ATMIN: variants seen among roughly 807,000 people sequenced by gnomAD.
ATMIN encodes ATM interactor.
Under a neutral mutation model 49.2 loss-of-function variants are expected in ATMIN, and 24 were observed. That is an observed-to-expected ratio of 0.49 (90% CI 0.35 to 0.69). The LOEUF is 0.69. ATMIN is among the 30% of genes least tolerant of loss of function. The probability of loss-of-function intolerance (pLI) is 0.00; values close to 1 mark genes in which losing one functional copy is unlikely to be tolerated. For missense variants in ATMIN, 1,037 were observed against 1,005.5 expected, an observed-to-expected ratio of 1.03 and a Z score of -0.42; for synonymous variants, 450 against 392.5, an observed-to-expected ratio of 1.15 and a Z score of -1.73.
chr16:81,037,356 G>A, intron 1 of ATMIN: 1 of 985,454 alleles, frequency 1.0e-6, no homozygotes, highest in Non-Finnish European at 1.2e-6. Context: ...TGAGGTTGTA[G>A]TCTCTAGTAG....
At chr16:81,038,415 GC>G (rs1970983132) in intron 1 of ATMIN, among the ~76,000 whole-genome samples, 1 of 152,160 alleles carries the variant, frequency 6.6e-6, no homozygotes, top group South Asian at 2.1e-4. Context: ...ACAGGTGTGA[GC>G]CACTGTGCCC....
intron 1 of ATMIN, chr16:81,037,643 T>G (rs937217294): frequency 4.0e-6 from 2 of 497,296 alleles, no homozygotes; most frequent in Non-Finnish European, 5.2e-6. Context: ...TGTGTTTTTT[T>G]GTTTGTTTTT....
At position 81,041,435 on chromosome 16, in the gene ATMIN, C is replaced by T. The variant is rs777691216; in HGVS notation, c.416C>T (p.Pro139Leu). The T allele has an allele frequency of 8.1e-6, 13 of 1,613,580 alleles. No individual in the cohort carries two copies. The highest frequency in any genetic ancestry group is 3.4e-6 in the Non-Finnish European group (4 of 1,179,922). ...KFYCCPIEGC[P>L]RGPERPFSQF... ...TACTGCTGTCCAATTGAAGGCTGCC[C>T]CAGAGGCCCTGAGAGACCGTTTTCT... Residue 139 changes from proline (P) to leucine (L), a missense_variant, in exon 2 of 4, where the codon CCC (proline) becomes CTC (leucine). Coordinates refer to ENST00000299575, the MANE Select transcript of ATMIN (RefSeq NM_015251.3).
At chr16:81,043,018 C>A in intron 3 of ATMIN, 143 bp from the exon 4 acceptor site, 1 of 1,022,416 alleles carries the variant, frequency 9.8e-7, no homozygotes, top group Non-Finnish European at 1.4e-6. Flanking sequence ...CCCAGAGTTG[C>A]GAAAGAATGG....
At position 81,043,949 on chromosome 16, in the gene ATMIN, T is replaced by C. The variant is rs758023970; in HGVS notation, c.1451T>C (p.Phe484Ser). The change falls in exon 4 of 4, where the codon TTC becomes TCC. Residue 484 changes from phenylalanine to serine, a missense_variant. Physicochemically the swap from Phe to Ser is radical, Grantham distance 155 (BLOSUM62 -2). Coordinates refer to ENST00000299575, the MANE Select transcript of ATMIN (RefSeq NM_015251.3). ...AQTDAFMDTC[F>S]QSGGVSRETQ... The stretch of plus-strand genomic sequence containing the variant: ...ACTGATGCATTTATGGACACCTGTT[T>C]CCAGTCAGGTGGGGTCTCCAGAGAA... 1.2e-6 allele frequency: 2 copies of C among 1,614,234 alleles called. No individual in the cohort carries two copies. The highest frequency in any genetic ancestry group is 1.3e-5 in the African/African-American group (1 of 75,062).
At position 81,035,852 on chromosome 16, in the gene ATMIN, G is replaced by GGGCGGCCGTGCGGGAGCCAT; in HGVS notation, c.-11_9dup. ...GGGGGCGGGGCCTACGAACTGGGCC[G>GGGCGGCCGTGCGGGAGCCAT]GGCGGCCGTGCGGGAGCCATGGCGG... On this transcript the variant is annotated 5_prime_UTR_variant, in exon 1 of 4. In the 5' UTR this introduces an upstream ATG that the reference lacks. Coordinates refer to ENST00000299575, the MANE Select transcript of ATMIN (RefSeq NM_015251.3). 1 of 800,962 alleles carries GGGCGGCCGTGCGGGAGCCAT rather than the reference G, an allele frequency of 1.2e-6. No individual in the cohort carries two copies. The highest frequency in any genetic ancestry group is 1.5e-6 in the Non-Finnish European group (1 of 662,322). The allele number at this position is 800,962 out of a possible 1,614,324, so 49.6% of individuals were successfully genotyped here.
At position 81,044,394 on chromosome 16, in the gene ATMIN, C is replaced by T. The variant is rs375258647; in HGVS notation, c.1896C>T (p.Pro632=). ...TQLPSGPAQN[P]GIDFDIEEFF... Reference sequence around the variant, plus strand: ...TCCCATCTGGCCCAGCCCAGAACCCCGGAATCGATTTTGATATCGAAGAGT... The same window carrying T: ...TCCCATCTGGCCCAGCCCAGAACCCTGGAATCGATTTTGATATCGAAGAGT... Residue 632 remains proline (P), a synonymous_variant, in exon 4 of 4, where the codon CCC becomes CCT. Coordinates refer to ENST00000299575, the MANE Select transcript of ATMIN (RefSeq NM_015251.3). 19 of 1,613,944 alleles carry T rather than the reference C, an allele frequency of 1.2e-5. No homozygotes were observed. The highest frequency in any genetic ancestry group is 8.3e-5 in the Admixed American group (5 of 59,988).
In ATMIN at chr16:81,041,674, AT is replaced by A. The variant is rs1376255399; in HGVS notation, c.462+194del. ...AAAAGCGGCACGGTCTGGAGGGAAT[AT>A]GTCTAGAACTGAGTTAAAATACAGA... On this transcript the variant is annotated intron_variant, in intron 2 of 3. Coordinates refer to ENST00000299575, the MANE Select transcript of ATMIN (RefSeq NM_015251.3). 165 of 583,166 alleles carry A rather than the reference AT, an allele frequency of 2.8e-4. 1 individual carries two copies. The East Asian group carries it at 5.0e-3, about 18-fold the overall frequency. The allele number at this position is 583,166 out of a possible 1,614,324, so 36.1% of individuals were successfully genotyped here.
Position 81,044,365 on chromosome 16 carries a change from C to G in ATMIN, c.1867C>G (p.Gln623Glu), listed in dbSNP as rs756301743. ...LSDTNPGPDTQLPSGPAQNPG... is the reference protein window; with the variant it reads ...LSDTNPGPDTELPSGPAQNPG... ...TGACACAAATCCTGGACCTGACACC[C>G]AGCTCCCATCTGGCCCAGCCCAGAA... Residue 623 changes from glutamine to glutamate, a missense_variant, in exon 4 of 4, where the codon CAG (glutamine) becomes GAG (glutamate). Physicochemically the swap from Gln to Glu is conservative, Grantham distance 29 (BLOSUM62 2). Coordinates refer to ENST00000299575, the MANE Select transcript of ATMIN (RefSeq NM_015251.3). The G allele has an allele frequency of 6.2e-7, 1 of 1,614,126 alleles. No homozygotes were observed. Among genetic ancestry groups the G allele is most frequent in the East Asian group, 2.2e-5 (1 of 44,876 alleles).
rs962898008 is a variant in ATMIN, at chr16:81,035,878, C to G, written c.8C>G (p.Ala3Gly). 163 of 945,274 alleles carry G rather than the reference C, an allele frequency of 1.7e-4. No individual in the cohort carries two copies. The African/African-American group carries it at 2.8e-3, about 16-fold the overall frequency. The allele number at this position is 945,274 out of a possible 1,614,324, so 58.6% of individuals were successfully genotyped here. ...GGCGGCCGTGCGGGAGCCATGGCGG[C>G]CTCGGAGGCGGCGGCGGCGGCGGGG... MA[A>G]SEAAAAAGSA... Residue 3 changes from alanine to glycine, a missense_variant, in exon 1 of 4, where the codon GCC becomes GGC. Transcript: ENST00000299575.
chr16:81,037,804 T>G lies in ATMIN; in HGVS notation c.336+1598T>G, dbSNP rs150423771. 3.8e-3 allele frequency among the ~76,000 whole-genome samples: 570 copies of G among 151,428 alleles called. 4 individuals carry two copies. The highest frequency in any genetic ancestry group is 0.013 in the African/African-American group (547 of 41,284). On this transcript the variant is annotated intron_variant, in intron 1 of 3. Transcript: ENST00000299575. ...GCACCTGCCACCACACCCTGCTAATTTTTTTTTGTATTTTTAGTAAAGACA... is the reference window on the plus strand; with the variant it reads ...GCACCTGCCACCACACCCTGCTAATGTTTTTTTGTATTTTTAGTAAAGACA...
At chr16:81,041,248 AT>A (rs1971032003) in intron 1 of ATMIN, 107 bp from the exon 2 acceptor site, 1 of 1,252,064 alleles carries the variant, frequency 8.0e-7, no homozygotes, top group Non-Finnish European at 1.1e-6. Flanking sequence ...AAAACTCTTA[AT>A]TAAAAGTATT....
Position 81,044,875 on chromosome 16 carries a change from C to A in ATMIN, c.2377C>A (p.Leu793Ile), listed in dbSNP as rs200535451. The change falls in exon 4 of 4, where the codon CTT becomes ATT. Residue 793 changes from leucine (L) to isoleucine (I), a missense_variant. Transcript: ENST00000299575. ...AACTCAGACAGCAATGGATGACTTT[C>A]TTCTGGCTGATCTGGCCTGGAACAC... ...NETQTAMDDF[L>I]LADLAWNTME... 6.2e-7 allele frequency: 1 copy of A among 1,614,210 alleles called. No homozygotes were observed. The highest frequency in any genetic ancestry group is 1.1e-5 in the South Asian group (1 of 91,086).
At position 81,045,156 on chromosome 16, in the gene ATMIN, A is replaced by T. The variant is rs1408468334; in HGVS notation, c.*186A>T. On this transcript the variant is annotated 3_prime_UTR_variant, in exon 4 of 4. Transcript: ENST00000299575. ...TGCGTATAAATGTGAGTGTATTATA[A>T]AGTTTGAGATGTTGATCTAAATTGT... 8.1e-6 allele frequency: 6 copies of T among 740,180 alleles called. No individual in the cohort carries two copies. The African/African-American group carries it at 8.9e-5, about 11-fold the overall frequency. 45.9% of individuals were successfully genotyped at this position (740,180 alleles called of 1,614,324 possible). A position where few individuals can be genotyped will look rare whatever the true frequency, so the allele number is the denominator to read the frequency against.
chr16:81,040,642 GT>G (rs1303409470), intron 1 of ATMIN: 1 of 152,250 alleles, frequency 6.6e-6, no homozygotes. Flanking sequence ...GTGTAATGAA[GT>G]AATGAGAGAA....
intron 1 of ATMIN, 102 bp downstream of exon 1, chr16:81,036,308 G>GCGCTGCCGCTGC: frequency 9.6e-7 from 1 of 1,042,408 alleles, no homozygotes; most frequent in South Asian, 4.5e-5. Context: ...AGCGCCCTGC[G>GCGCTGCCGCTGC]CGCTGCCGCT....
At chr16:81,040,806 T>G (rs1971024780) in intron 1 of ATMIN, 1 of 155,516 alleles carries the variant, frequency 6.4e-6, no homozygotes, top group Non-Finnish European at 1.4e-5. Flanking sequence ...TCTGATAAAG[T>G]ATGAGTGAAA....
At chr16:81,042,010 C>T (rs1318008211) in intron 2 of ATMIN, among the ~76,000 whole-genome samples, 1 of 152,152 alleles carries the variant, frequency 6.6e-6, no homozygotes, top group Non-Finnish European at 1.5e-5. Flanking sequence ...TTCCTGCCTG[C>T]AGCACTTACA....
rs970527253 is a variant in ATMIN, at chr16:81,046,001, A to T, written c.*1031A>T. ...TCAAAAAAAAAAAAAGTCGCCAGCA[A>T]CAAGCACGTAGTGTAGTGTTCCTGC... On this transcript the variant is annotated 3_prime_UTR_variant, in exon 4 of 4. Coordinates refer to ENST00000299575, the MANE Select transcript of ATMIN (RefSeq NM_015251.3). The T allele has an allele frequency of 6.6e-6, 1 of 151,796 alleles. No individual in the cohort carries two copies. Among genetic ancestry groups the T allele is most frequent in the Non-Finnish European group, 1.5e-5 (1 of 68,006 alleles). The allele number at this position is 151,796 out of a possible 1,614,324, so 9.4% of individuals were successfully genotyped here. A position where few individuals can be genotyped will look rare whatever the true frequency, so the allele number is the denominator to read the frequency against.
Sources: gnomAD v4.1 joint callset for allele counts (sites outside exome capture counted in the v4.1 genomes callset) on GRCh38, gnomAD v4.1.1 for gene constraint, MANE v1.5 for transcripts, NCBI Gene and HGNC (gene_info 2026-07-23, HGNC 2026-07-21) for gene names.